Variants in ATL2 observed in about 807,000 individuals in gnomAD.
The protein encoded by ATL2 is atlastin-2.
ATL2 carries 31 observed loss-of-function variants against 73.9 expected under a neutral mutation model. That is an observed-to-expected ratio of 0.42 (90% CI 0.32 to 0.57). The LOEUF is 0.57. Ranked by LOEUF, ATL2 falls within the 20% of genes least tolerant of loss-of-function variation. The pLI, the probability that ATL2 is intolerant of heterozygous loss-of-function variation, is 0.14. For missense variants in ATL2, 738 were observed against 702.6 expected, an observed-to-expected ratio of 1.05 and a Z score of -0.57; for synonymous variants, 291 against 237.5, an observed-to-expected ratio of 1.23 and a Z score of -2.07.
At chr2:38,352,500 T>C (rs1670416750) in intron 1 of ATL2, among the ~76,000 whole-genome samples, 1 of 152,094 alleles carries the variant, frequency 6.6e-6, no homozygotes, top group Admixed American at 6.6e-5. Flanking sequence ...GCTAGAGCAG[T>C]AGGAATCTGT....
chr2:38,314,484 T>C (rs1667922877), intron 6 of ATL2, 124 bp downstream of exon 6: 1 of 623,308 alleles, frequency 1.6e-6, no homozygotes. Flanking sequence ...TAGTTTCGAT[T>C]GCACTGAATC....
intron 5 of ATL2, among the ~76,000 whole-genome samples, chr2:38,314,966 C>T (rs373637307): frequency 2.6e-5 from 4 of 152,302 alleles, no homozygotes; most frequent in Non-Finnish European, 5.9e-5. Flanking sequence ...AATATGTGCT[C>T]GCAGACGGGC....
intron 2 of ATL2, among the ~76,000 whole-genome samples, chr2:38,323,719 G>GAC (rs1327812930): frequency 2.0e-5 from 3 of 152,096 alleles, no homozygotes; most frequent in African/African-American, 7.2e-5. Context: ...AAGAAAACGA[G>GAC]ACAGACAGAC....
chr2:38,343,766 T>G (rs10195631), intron 1 of ATL2, among the ~76,000 whole-genome samples: 1 of 151,908 alleles, frequency 6.6e-6, no homozygotes, highest in African/African-American at 2.4e-5. Context: ...AATTTCCACA[T>G]GTTGTGGGAA....
intron 9 of ATL2, among the ~76,000 whole-genome samples, chr2:38,307,447 C>A (rs560468091): frequency 6.6e-6 from 1 of 151,150 alleles, no homozygotes; most frequent in African/African-American, 2.4e-5. Flanking sequence ...TACAGCAAGC[C>A]GAGATCACGC....
At chr2:38,326,521 C>G (rs1011530604) in intron 2 of ATL2, among the ~76,000 whole-genome samples, 3 of 152,076 alleles carry the variant, frequency 2.0e-5, no homozygotes, top group African/African-American at 7.2e-5. Flanking sequence ...GAAATTGATC[C>G]AGGAAGAGGA....
intron 6 of ATL2, 60 bp from the exon 7 acceptor site, chr2:38,313,303 C>A: frequency 8.0e-7 from 1 of 1,255,028 alleles, no homozygotes; most frequent in East Asian, 2.5e-5. Flanking sequence ...ACGAAAAAAT[C>A]ACAACTCTTA....
At chr2:38,314,552 G>C in intron 6 of ATL2, 56 bp downstream of exon 6, 2 of 1,272,668 alleles carry the variant, frequency 1.6e-6, no homozygotes, top group Non-Finnish European at 2.3e-6. Flanking sequence ...ACAAACTGAG[G>C]TGGCTTCACA....
chr2:38,349,214 A>T (rs2124429942), intron 1 of ATL2, among the ~76,000 whole-genome samples: 1 of 152,268 alleles, frequency 6.6e-6, no homozygotes, highest in Middle Eastern at 3.4e-3. Context: ...CTATAAAGAC[A>T]CATGCACACG....
intron 8 of ATL2, 29 bp from the exon 9 acceptor site, chr2:38,309,535 T>C: frequency 6.3e-7 from 1 of 1,594,970 alleles, no homozygotes; most frequent in Non-Finnish European, 8.5e-7. Flanking sequence ...AGCAACATAT[T>C]AGTCCAAAAA....
At chr2:38,306,873 C>T (rs542125239) in intron 9 of ATL2, among the ~76,000 whole-genome samples, 2 of 152,334 alleles carry the variant, frequency 1.3e-5, no homozygotes, top group African/African-American at 2.4e-5. Context: ...TGCTATTCTA[C>T]ACAGTACTGG....
chr2:38,358,704 A>C (rs1670829080), intron 1 of ATL2: 1 of 164,836 alleles, frequency 6.1e-6, no homozygotes. Context: ...AAAAAAAAAA[A>C]ATTATTTTAA....
chr2:38,324,101 C>T (rs576303460), intron 2 of ATL2, among the ~76,000 whole-genome samples: 3 of 152,156 alleles, frequency 2.0e-5, no homozygotes, highest in Non-Finnish European at 4.4e-5. Flanking sequence ...CATGGAGATA[C>T]CCAGTCTCTA....
chr2:38,309,373 A>C lies in ATL2; in HGVS notation c.1071+6T>G, dbSNP rs2148418799. 2 of 1,601,156 alleles carry C rather than the reference A, an allele frequency of 1.2e-6. No homozygotes were observed. Among genetic ancestry groups the C allele is most frequent in the Non-Finnish European group, 1.7e-6 (2 of 1,177,610 alleles). On this transcript the variant is annotated splice_donor_region_variant and intron_variant, in intron 9 of 12. Transcript: ENST00000378954. ...CTTAGACAAAACTGTTTAAGAGCTCACCTACCTTAAAATATTCTACAAGAT... is the reference window on the plus strand; with the variant it reads ...CTTAGACAAAACTGTTTAAGAGCTCCCCTACCTTAAAATATTCTACAAGAT...
chr2:38,371,343 C>CA (rs1212069438), intron 1 of ATL2, among the ~76,000 whole-genome samples: 2 of 152,018 alleles, frequency 1.3e-5, no homozygotes, highest in South Asian at 2.1e-4. Context: ...CACATCTCCA[C>CA]AAAAAATTTT....
At chr2:38,362,345 T>C (rs1259785677) in intron 1 of ATL2, among the ~76,000 whole-genome samples, 1 of 152,206 alleles carries the variant, frequency 6.6e-6, no homozygotes, top group Non-Finnish European at 1.5e-5. Context: ...TACTAAAGAA[T>C]GGTCAACACA....
intron 1 of ATL2, chr2:38,354,026 C>A (rs1353551381): frequency 6.8e-6 from 2 of 293,448 alleles, no homozygotes; most frequent in Non-Finnish European, 1.3e-5. Flanking sequence ...AACCCCGTCT[C>A]TATGAAAATA....
chr2:38,360,966 A>G (rs1206076186), intron 1 of ATL2, among the ~76,000 whole-genome samples: 2 of 152,132 alleles, frequency 1.3e-5, no homozygotes, highest in Admixed American at 1.3e-4. Context: ...ATACCCATGG[A>G]TAAATAAAAA....
intron 2 of ATL2, among the ~76,000 whole-genome samples, chr2:38,336,649 T>A (rs1331182212): frequency 6.6e-6 from 1 of 152,220 alleles, no homozygotes. Flanking sequence ...TTTTACATAA[T>A]AGTTTTTAGA....
Sources: allele counts gnomAD v4.1 joint callset (sites outside exome capture counted in the v4.1 genomes callset), GRCh38; gene constraint gnomAD v4.1.1; transcripts MANE v1.5; gene names NCBI Gene and HGNC (gene_info 2026-07-23, HGNC 2026-07-21).